Variants in CALN1 observed in about 807,000 individuals in gnomAD.
CALN1 encodes the protein calneuron 1.
A neutral mutation model predicts 30.6 loss-of-function variants in CALN1; 17 were observed. The observed-to-expected ratio is 0.56, with a 90% CI of 0.38 to 0.83. CALN1 has a LOEUF of 0.83. Among genes scored for constraint, CALN1 ranks in the 40% least tolerant of loss-of-function variants. The pLI, the probability that CALN1 is intolerant of heterozygous loss-of-function variation, is 0.00. For synonymous variants in CALN1, 156 were observed against 131.4 expected (o/e 1.19, Z -1.28); for missense variants, 291 against 354.9 (o/e 0.82, Z 1.45).
intron 1 of CALN1, among the ~76,000 whole-genome samples, chr7:72,432,011 A>T (rs759720456): frequency 7.2e-5 from 11 of 152,100 alleles, no homozygotes; most frequent in Non-Finnish European, 1.6e-4. Flanking sequence ...CTATTATTGC[A>T]TTATGCCATG....
At chr7:72,046,310 C>T in intron 4 of CALN1, among the ~76,000 whole-genome samples, 1 of 152,044 alleles carries the variant, frequency 6.6e-6, no homozygotes, top group South Asian at 2.1e-4. Context: ...TCATAGCTCA[C>T]TGCAGCTGCA....
At chr7:71,881,163 G>A (rs555957985) in intron 5 of CALN1, among the ~76,000 whole-genome samples, 56 of 152,254 alleles carry the variant, frequency 3.7e-4, no homozygotes, top group Middle Eastern at 3.4e-3. Context: ...TGGACTCTTG[G>A]ACTTACACCA....
intron 5 of CALN1, among the ~76,000 whole-genome samples, chr7:71,892,906 A>G (rs1489328813): frequency 6.6e-6 from 1 of 152,118 alleles, no homozygotes; most frequent in Non-Finnish European, 1.5e-5. Context: ...TTTGGAGACA[A>G]ACTTATTTTT....
At chr7:72,391,977 T>G (rs953067975) in intron 2 of CALN1, among the ~76,000 whole-genome samples, 1 of 152,238 alleles carries the variant, frequency 6.6e-6, no homozygotes, top group African/African-American at 2.4e-5. Flanking sequence ...TTGCACTGCT[T>G]TGACCCCTAG....
At chr7:72,437,211 C>T (rs956690922) in intron 1 of CALN1, among the ~76,000 whole-genome samples, 2 of 152,090 alleles carry the variant, frequency 1.3e-5, no homozygotes, top group Admixed American at 6.6e-5. Context: ...AGTAGTCTGG[C>T]GATCTGGGGT....
chr7:72,268,832 TA>T (rs372008547), intron 3 of CALN1, among the ~76,000 whole-genome samples: 163 of 84,940 alleles, frequency 1.9e-3, no homozygotes, highest in African/African-American at 6.0e-3. Context: ...CACACAGAAC[TA>T]ATTGTAACAT....
chr7:71,928,670 C>A (rs1053480749), intron 5 of CALN1, among the ~76,000 whole-genome samples: 5 of 152,068 alleles, frequency 3.3e-5, no homozygotes, highest in African/African-American at 9.7e-5. Flanking sequence ...TGTAGAGTCA[C>A]AGAGTTATGC....
intron 2 of CALN1, among the ~76,000 whole-genome samples, chr7:72,343,453 CAG>C (rs1802475470): frequency 6.6e-6 from 1 of 151,658 alleles, no homozygotes; most frequent in African/African-American, 2.4e-5. Flanking sequence ...AAGACTGAGG[CAG>C]GAGAATTGCC....
intron 1 of CALN1, among the ~76,000 whole-genome samples, chr7:72,434,352 AAAAAAAAAAAC>A (rs1250812240): frequency 7.3e-5 from 11 of 151,316 alleles, no homozygotes; most frequent in African/African-American, 1.2e-4. Flanking sequence ...AAATACCAAA[AAAAAAAAAAAC>A]AAAAAAAAAA....
rs1291578421 is a variant in CALN1, at chr7:72,125,878, T to C, written c.245-19584A>G. Among the ~76,000 whole-genome samples the C allele has an allele frequency of 4.8e-5, 7 of 147,142 alleles. No homozygotes were observed. In the Admixed American group the frequency reaches 4.9e-4, roughly 10 times the overall value. ...GTGCAGTGGCGTGATCTCAGCTCAC[T>C]GCAAACCACCACCTCCCGGGTTCAA... On this transcript the variant is annotated intron_variant, in intron 3 of 6. Transcript: ENST00000395275.
chr7:72,044,509 G>A (rs994398520), intron 4 of CALN1, among the ~76,000 whole-genome samples: 18 of 151,804 alleles, frequency 1.2e-4, no homozygotes, highest in African/African-American at 4.4e-4. Flanking sequence ...GAGAGAAACA[G>A]GCCTCTCAAT....
intron 4 of CALN1, among the ~76,000 whole-genome samples, chr7:72,046,258 A>G (rs1251110225): frequency 6.6e-6 from 1 of 152,048 alleles, no homozygotes; most frequent in Non-Finnish European, 1.5e-5. Context: ...TTTTGGAGAC[A>G]AGGTCTCTTT....
intron 3 of CALN1, among the ~76,000 whole-genome samples, chr7:72,214,908 C>T (rs915496257): frequency 1.3e-5 from 2 of 151,668 alleles, no homozygotes; most frequent in African/African-American, 4.8e-5. Context: ...AATGATCTGT[C>T]ACCGTCTCCC....
At chr7:72,055,417 T>C (rs1803188873) in intron 4 of CALN1, among the ~76,000 whole-genome samples, 1 of 151,878 alleles carries the variant, frequency 6.6e-6, no homozygotes, top group South Asian at 2.1e-4. Context: ...AACATAAATA[T>C]GGTAATAGGG....
chr7:71,874,224 G>A (rs560575266), intron 5 of CALN1, among the ~76,000 whole-genome samples: 12 of 146,400 alleles, frequency 8.2e-5, no homozygotes, highest in African/African-American at 2.8e-4. Context: ...GCAGTGAGCT[G>A]AGATCTCACC....
chr7:71,959,922 T>G (rs527570463), intron 5 of CALN1, among the ~76,000 whole-genome samples: 1 of 152,060 alleles, frequency 6.6e-6, no homozygotes, highest in East Asian at 1.9e-4. Context: ...TCACCTGAGG[T>G]CAGGAGTTTG....
chr7:71,920,550 T>C (rs1490419558), intron 5 of CALN1, among the ~76,000 whole-genome samples: 1 of 152,052 alleles, frequency 6.6e-6, no homozygotes, highest in African/African-American at 2.4e-5. Context: ...TTAGCCAGGA[T>C]GGTCTTGATC....
At chr7:72,163,472 A>G (rs1398662178) in intron 3 of CALN1, among the ~76,000 whole-genome samples, 1 of 151,964 alleles carries the variant, frequency 6.6e-6, no homozygotes, top group Non-Finnish European at 1.5e-5. Context: ...AGATGACTCG[A>G]TATTGAAATT....
intron 2 of CALN1, among the ~76,000 whole-genome samples, chr7:72,379,677 G>C (rs1358979900): frequency 6.6e-6 from 1 of 152,218 alleles, no homozygotes; most frequent in African/African-American, 2.4e-5. Context: ...ACTCAATGAG[G>C]AGTTTTCTTC....
Sources: gnomAD v4.1 joint callset for allele counts (sites outside exome capture counted in the v4.1 genomes callset) on GRCh38, gnomAD v4.1.1 for gene constraint, MANE v1.5 for transcripts, NCBI Gene and HGNC (gene_info 2026-07-23, HGNC 2026-07-21) for gene names.